The following GATB variants were observed in gnomAD, a reference collection of about 807,000 sequenced individuals.
GATB encodes glutamyl-tRNA(Gln) amidotransferase subunit B, mitochondrial.
A neutral mutation model predicts 62.3 loss-of-function variants in GATB; 39 were observed. That is an observed-to-expected ratio of 0.63 (90% CI 0.48 to 0.82). The LOEUF (loss-of-function observed/expected upper bound fraction) is 0.82, where lower values mean the gene tolerates loss of function less well. Ranked by LOEUF, GATB falls within the 40% of genes least tolerant of loss-of-function variation. The pLI is 0.00. For missense variants in GATB, 670 were observed against 684.0 expected (o/e 0.98, Z 0.23); for synonymous variants, 276 against 258.9 (o/e 1.07, Z -0.63).
chr4:151,699,049 T>A (rs1333984886), intron 9 of GATB, among the ~76,000 whole-genome samples: 2 of 152,026 alleles, frequency 1.3e-5, no homozygotes, highest in Admixed American at 1.3e-4. Context: ...TTTAAAAAAA[T>A]CTTTTGTTTC....
At chr4:151,683,131 C>A (rs557294312) in intron 10 of GATB, among the ~76,000 whole-genome samples, 120 of 152,324 alleles carry the variant, frequency 7.9e-4, no homozygotes, top group Admixed American at 3.4e-3. Flanking sequence ...ATGCTCCGAT[C>A]TTCCCTGTCT....
chr4:151,711,192 T>A (rs1230717221), intron 5 of GATB, among the ~76,000 whole-genome samples: 1 of 152,192 alleles, frequency 6.6e-6, no homozygotes. Flanking sequence ...ATCTGAACTA[T>A]TGCAAAAGCT....
intron 9 of GATB, among the ~76,000 whole-genome samples, chr4:151,697,985 A>ATATATATGTG (rs1560847800): frequency 1.9e-4 from 26 of 138,268 alleles, no homozygotes; most frequent in African/African-American, 7.2e-4. Context: ...ATATATATAT[A>ATATATATGTG]TATATATATG....
At position 151,672,844 on chromosome 4, in the gene GATB, G is replaced by C. The variant is rs771671753; in HGVS notation, c.1463C>G (p.Ser488Ter). Residue 488 changes from serine to a stop codon, truncating the protein, a stop_gained, in exon 12 of 13, where the codon TCA becomes TGA. Coordinates refer to ENST00000263985, the MANE Select transcript of GATB (RefSeq NM_004564.3). LOFTEE classifies it high-confidence loss of function. ...CTGCATCAGTTCAAGCTGCTTTTCT[G>C]AAACAATCTGCCCTGGAGTCTTGCC... Reference protein sequence around the residue: ...REGKTPGQIVSEKQLELMQDQ... With the variant: ...REGKTPGQIV The C allele has an allele frequency of 6.2e-7, 1 of 1,614,212 alleles. No individual in the cohort carries two copies. The highest frequency in any genetic ancestry group is 1.1e-5 in the South Asian group (1 of 91,084).
At chr4:151,737,367 T>C (rs1046345747) in intron 2 of GATB, among the ~76,000 whole-genome samples, 1 of 152,126 alleles carries the variant, frequency 6.6e-6, no homozygotes, top group Non-Finnish European at 1.5e-5. Context: ...AGAGAGATGA[T>C]TTAGGGTATC....
chr4:151,743,403 G>C (rs1428974068), intron 2 of GATB, among the ~76,000 whole-genome samples: 1 of 152,224 alleles, frequency 6.6e-6, no homozygotes, highest in Non-Finnish European at 1.5e-5. Context: ...CATACAACCA[G>C]CATCAGTGCT....
intron 2 of GATB, among the ~76,000 whole-genome samples, chr4:151,736,700 C>G (rs1739381408): frequency 6.6e-6 from 1 of 152,210 alleles, no homozygotes; most frequent in Non-Finnish European, 1.5e-5. Context: ...GGCTGTTCCC[C>G]ACCCAAATCT....
intron 10 of GATB, among the ~76,000 whole-genome samples, chr4:151,682,727 C>G (rs1332964838): frequency 1.3e-5 from 2 of 152,064 alleles, no homozygotes; most frequent in East Asian, 1.9e-4. Context: ...TCCCAATCCC[C>G]CAGCTTATCT....
In GATB at chr4:151,734,363, A is replaced by T. The variant is rs184398687; in HGVS notation, c.328-14825T>A. On this transcript the variant is annotated intron_variant, in intron 2 of 12. Coordinates refer to ENST00000263985, the MANE Select transcript of GATB (RefSeq NM_004564.3). ...TAAAATAGCTGCCAAAAAAAAAAAA[A>T]AATACTTAGGAATACACCTAACAAA... is the stretch of plus-strand genomic sequence containing the variant. Among the ~76,000 whole-genome samples the T allele has an allele frequency of 6.3e-3, 956 of 152,218 alleles. 5 individuals are homozygous for T. The highest frequency in any genetic ancestry group is 7.9e-3 in the Non-Finnish European group (535 of 68,008).
chr4:151,756,038 G>A (rs540225168), intron 2 of GATB, among the ~76,000 whole-genome samples: 5 of 152,330 alleles, frequency 3.3e-5, no homozygotes, highest in African/African-American at 1.2e-4. Flanking sequence ...AAAGAATAGG[G>A]CATGGGAAAC....
intron 9 of GATB, among the ~76,000 whole-genome samples, chr4:151,693,502 AC>A (rs34823859): frequency 0.18 from 26,601 of 150,930 alleles, 3,182 homozygotes; most frequent in African/African-American, 0.35. Context: ...AGGAAACACG[AC>A]CCCCCCCTCA....
intron 7 of GATB, among the ~76,000 whole-genome samples, chr4:151,704,272 C>T (rs1209042974): frequency 6.6e-6 from 1 of 152,076 alleles, no homozygotes; most frequent in Non-Finnish European, 1.5e-5. Context: ...CTCTGTTCCG[C>T]CTCTAGCTTC....
intron 2 of GATB, among the ~76,000 whole-genome samples, chr4:151,735,734 G>GTACATATA (rs1491213513): frequency 1.1e-5 from 1 of 93,614 alleles, no homozygotes; most frequent in Non-Finnish European, 2.1e-5. Context: ...ATAAACTGTG[G>GTACATATA]TGTATATATA....
intron 2 of GATB, among the ~76,000 whole-genome samples, chr4:151,746,546 TA>T (rs1290141130): frequency 1.3e-5 from 2 of 152,174 alleles, no homozygotes; most frequent in Non-Finnish European, 2.9e-5. Flanking sequence ...TAGGTCCAAA[TA>T]ATGAGTGAAG....
chr4:151,723,726 C>T (rs1008418286), intron 2 of GATB: 1 of 152,150 alleles, frequency 6.6e-6, no homozygotes, highest in Non-Finnish European at 1.5e-5. Flanking sequence ...TGTTCTATTG[C>T]TAGACTTCAG....
At chr4:151,750,083 G>A (rs558468520) in intron 2 of GATB, among the ~76,000 whole-genome samples, 6 of 152,164 alleles carry the variant, frequency 3.9e-5, no homozygotes, top group Middle Eastern at 6.8e-3. Context: ...GGGTTTCACC[G>A]TGTTAGCCAG....
At chr4:151,705,683 G>A (rs1422989370) in intron 6 of GATB, among the ~76,000 whole-genome samples, 1 of 152,172 alleles carries the variant, frequency 6.6e-6, no homozygotes, top group African/African-American at 2.4e-5. Flanking sequence ...GTGCATATGT[G>A]CAGGTTTTGG....
rs775131201 is a variant in GATB, at chr4:151,716,124, G to T, written c.648C>A (p.Gly216=). 3.1e-6 allele frequency: 5 copies of T among 1,612,820 alleles called. No homozygotes were observed. The African/African-American group carries it at 6.7e-5, about 22-fold the overall frequency. Residue 216 remains glycine (G), a synonymous_variant, in exon 5 of 13, where the codon GGC becomes GGA. Transcript: ENST00000263985. Reference sequence around the variant, plus strand: ...CGGGCTCCAGGACCACCTCCAGAAGGCCCACTCCTACCAAAGAGGGGCAGA... The same window carrying T: ...CGGGCTCCAGGACCACCTCCAGAAGTCCCACTCCTACCAAAGAGGGGCAGA... ...TLIDLNRAGV[G]LLEVVLEPDM...
rs140877297 is a variant in GATB, at chr4:151,738,371, G to C, written c.328-18833C>G. 1.8e-3 allele frequency among the ~76,000 whole-genome samples: 277 copies of C among 152,286 alleles called. 2 individuals carry two copies. The highest frequency in any genetic ancestry group is 6.4e-3 in the African/African-American group (265 of 41,558). On this transcript the variant is annotated intron_variant, in intron 2 of 12. Coordinates refer to ENST00000263985, the MANE Select transcript of GATB (RefSeq NM_004564.3). ...TCTCGCGATAGTGAGTAAGTCTCAC[G>C]AGATCTGATGGTTTTAAAGATGGGA...
Sources: gnomAD v4.1 joint callset for allele counts (sites outside exome capture counted in the v4.1 genomes callset) on GRCh38, gnomAD v4.1.1 for gene constraint, MANE v1.5 for transcripts, NCBI Gene and HGNC (gene_info 2026-07-23, HGNC 2026-07-21) for gene names.